ZNG1E: variants seen among roughly 807,000 people sequenced by gnomAD.
The protein encoded by ZNG1E is Zn regulated GTPase metalloprotein activator 1E, also known as zinc-regulated GTPase metalloprotein activator 1E.
chr9:65,665,553 AGAT>A, the ZNG1E span, among the ~76,000 whole-genome samples: 4 of 151,418 alleles, frequency 2.6e-5, no homozygotes, highest in African/African-American at 9.7e-5. Context: ...GGGAAATGTG[AGAT>A]TGGAGCCCCC....
chr9:65,683,880 C>T, the ZNG1E span, among the ~76,000 whole-genome samples: 13 of 152,334 alleles, frequency 8.5e-5, no homozygotes, highest in African/African-American at 2.2e-4. Context: ...AATATGTTGG[C>T]GTTAAATATT....
chr9:65,696,144 G>T, the ZNG1E span, among the ~76,000 whole-genome samples: 1 of 131,260 alleles, frequency 7.6e-6, no homozygotes, highest in Non-Finnish European at 1.7e-5. Context: ...GAAGTCACAT[G>T]AGGGAAATGC....
the ZNG1E span, among the ~76,000 whole-genome samples, chr9:65,662,106 G>A: frequency 6.6e-6 from 1 of 152,240 alleles, no homozygotes; most frequent in Non-Finnish European, 1.5e-5. Flanking sequence ...TGGATGTCAT[G>A]TGCCTCCTGA....
the ZNG1E span, among the ~76,000 whole-genome samples, chr9:65,702,374 T>C: frequency 1.2e-3 from 186 of 151,270 alleles, no homozygotes; most frequent in African/African-American, 4.3e-3. Context: ...TTTGGTGCCA[T>C]ACAAAGCCAT....
At chr9:65,707,117 T>A in the ZNG1E span, 2 of 95,914 alleles carry the variant, frequency 2.1e-5, 1 homozygote, top group Non-Finnish European at 4.2e-5. Context: ...TTCAAGCGAT[T>A]CTCCTGCTTC....
the ZNG1E span, among the ~76,000 whole-genome samples, chr9:65,667,214 T>C: frequency 5.9e-5 from 9 of 152,324 alleles, no homozygotes; most frequent in Non-Finnish European, 1.0e-4. Context: ...AACTCATCTT[T>C]CTTCTAGCAT....
chr9:65,658,784 G>A, the ZNG1E span, among the ~76,000 whole-genome samples: 6 of 141,096 alleles, frequency 4.3e-5, no homozygotes, highest in South Asian at 2.2e-4. Flanking sequence ...TTTTCCTGAC[G>A]CTTCTCTCCT....
chr9:65,673,603 C>T, the ZNG1E span, among the ~76,000 whole-genome samples: 1 of 152,358 alleles, frequency 6.6e-6, no homozygotes, highest in Non-Finnish European at 1.5e-5. Flanking sequence ...AGACTTTAGA[C>T]CAGACTGGAC....
At chr9:65,679,713 C>G in the ZNG1E span, among the ~76,000 whole-genome samples, 2 of 152,254 alleles carry the variant, frequency 1.3e-5, no homozygotes, top group African/African-American at 4.8e-5. Flanking sequence ...CGCCACCATG[C>G]CCAGATAATT....
chr9:65,708,821 GAGTC>G, the ZNG1E span: 3 of 611,998 alleles, frequency 4.9e-6, no homozygotes, highest in Admixed American at 3.0e-5. Flanking sequence ...AATTTTTTAA[GAGTC>G]AGAGTTTTTT....
At chr9:65,684,546 G>GCGCACA in the ZNG1E span, among the ~76,000 whole-genome samples, 125 of 139,548 alleles carry the variant, frequency 9.0e-4, no homozygotes, top group Middle Eastern at 3.6e-3. Context: ...ACACACACAC[G>GCGCACA]CACGCACACA....
the ZNG1E span, among the ~76,000 whole-genome samples, chr9:65,656,771 C>A: frequency 6.6e-6 from 1 of 152,284 alleles, no homozygotes; most frequent in Non-Finnish European, 1.5e-5. Context: ...ATGTCTTTTA[C>A]CCCATTCTAA....
chr9:65,732,415 ATAT>A, the ZNG1E span: 1 of 974,700 alleles, frequency 1.0e-6, no homozygotes, highest in Non-Finnish European at 1.2e-6. Context: ...TAAATTAAGA[ATAT>A]TATTTCAAAT....
chr9:65,681,114 G>A, the ZNG1E span, among the ~76,000 whole-genome samples: 2 of 151,300 alleles, frequency 1.3e-5, no homozygotes, highest in Non-Finnish European at 2.9e-5. Context: ...ATGAACTAGG[G>A]TTTTTACTCA....
At chr9:65,665,015 G>T in the ZNG1E span, among the ~76,000 whole-genome samples, 1,110 of 152,006 alleles carry the variant, frequency 7.3e-3, 1 homozygote, top group South Asian at 0.012. Flanking sequence ...CTTGGGTGCT[G>T]TTAAAGGTAT....
chr9:65,727,911 T>TA, the ZNG1E span, among the ~76,000 whole-genome samples: 1 of 144,702 alleles, frequency 6.9e-6, no homozygotes, highest in African/African-American at 2.7e-5. Flanking sequence ...AGTTAAAAGA[T>TA]ATATACAGAA....
At chr9:65,669,643 A>G in the ZNG1E span, among the ~76,000 whole-genome samples, 1 of 149,552 alleles carries the variant, frequency 6.7e-6, no homozygotes, top group Non-Finnish European at 1.5e-5. Flanking sequence ...TTTAAATTTC[A>G]TGGCAAGCTG....
At chr9:65,659,139 G>A in the ZNG1E span, among the ~76,000 whole-genome samples, 1 of 152,204 alleles carries the variant, frequency 6.6e-6, no homozygotes, top group African/African-American at 2.4e-5. Context: ...TAATTAAACT[G>A]GTTTCTCACC....
At chr9:65,703,687 G>A in the ZNG1E span, 1 of 967,166 alleles carries the variant, frequency 1.0e-6, no homozygotes, top group Non-Finnish European at 1.2e-6. Context: ...ACAGCTGGCA[G>A]TCTAGTTCTA....
Sources: allele counts gnomAD v4.1 joint callset (sites outside exome capture counted in the v4.1 genomes callset), GRCh38; gene constraint gnomAD v4.1.1; transcripts MANE v1.5; gene names NCBI Gene and HGNC (gene_info 2026-07-23, HGNC 2026-07-21).